The following LRP6 variants were observed in gnomAD, a reference collection of about 807,000 sequenced individuals.
LRP6 encodes the protein LDL receptor related protein 6.
Under a neutral mutation model 184.1 loss-of-function variants are expected in LRP6, and 43 were observed. The observed-to-expected ratio is 0.23, with a 90% confidence interval of 0.18 to 0.30. The LOEUF is 0.30. LRP6 is among the 10% of genes least tolerant of loss of function. LRP6 has a pLI of 1.00. For missense variants in LRP6, 1,571 were observed against 2,005.3 expected (o/e 0.78, Z 4.14); for synonymous variants, 719 against 684.9 (o/e 1.05, Z -0.78).
At chr12:12,156,307 C>A (rs1486164414) in intron 12 of LRP6, among the ~76,000 whole-genome samples, 8 of 152,142 alleles carry the variant, frequency 5.3e-5, no homozygotes, top group Non-Finnish European at 7.3e-5. Flanking sequence ...ACAAGCAGTT[C>A]AACAGTCATG....
Position 12,232,438 on chromosome 12 carries a change from C to G in LRP6, c.449+11824G>C, listed in dbSNP as rs540549242. Among the ~76,000 whole-genome samples the G allele has an allele frequency of 8.0e-5, 12 of 150,310 alleles. No homozygotes were observed. The East Asian group carries it at 2.3e-3, about 29-fold the overall frequency. On this transcript the variant is annotated intron_variant, in intron 2 of 22. Transcript: ENST00000261349. ...CTGGAAACACTTCCAGTGAACTTGG[C>G]AAAAGCAACCCAAAATCTCTCTGGA...
chr12:12,169,923 G>A (rs951071268), intron 7 of LRP6, among the ~76,000 whole-genome samples: 1 of 152,076 alleles, frequency 6.6e-6, no homozygotes, highest in African/African-American at 2.4e-5. Flanking sequence ...CTCATCTGGT[G>A]TAGTTTTTAC....
At chr12:12,265,257 T>A (rs983090486) in intron 1 of LRP6, among the ~76,000 whole-genome samples, 1 of 152,232 alleles carries the variant, frequency 6.6e-6, no homozygotes, top group Admixed American at 6.5e-5. Flanking sequence ...TAACACTTCA[T>A]TAAAATTTCT....
chr12:12,187,323 C>T (rs1166193922), intron 3 of LRP6: 2 of 582,228 alleles, frequency 3.4e-6, no homozygotes, highest in Non-Finnish European at 6.1e-6. Context: ...AAGCCCCAAA[C>T]AAGCATTTGG....
In LRP6 at chr12:12,187,287, T is replaced by G. The variant is rs1863498211; in HGVS notation, c.648-168A>C. ...TATAAAAAATAATTCACATAATGAA[T>G]TCATATATATTTTTAAGGTGTCCAA... On this transcript the variant is annotated intron_variant, in intron 3 of 22. Coordinates refer to ENST00000261349, the MANE Select transcript of LRP6 (RefSeq NM_002336.3). 37 of 645,896 alleles carry G rather than the reference T, an allele frequency of 5.7e-5. No individual in the cohort carries two copies. In the South Asian group the frequency reaches 6.2e-4, roughly 11 times the overall value. The allele number at this position is 645,896 out of a possible 1,614,324, so 40.0% of individuals were successfully genotyped here. A position where few individuals can be genotyped will look rare whatever the true frequency, so the allele number is the denominator to read the frequency against.
intron 7 of LRP6, among the ~76,000 whole-genome samples, chr12:12,173,380 T>C (rs936003143): frequency 6.6e-5 from 10 of 152,214 alleles, no homozygotes; most frequent in African/African-American, 2.4e-4. Flanking sequence ...TCTTGCTCTG[T>C]TGCCCAAGCT....
chr12:12,163,958 C>T (rs1192601240), intron 9 of LRP6, among the ~76,000 whole-genome samples: 2 of 152,024 alleles, frequency 1.3e-5, no homozygotes, highest in African/African-American at 2.4e-5. Flanking sequence ...GGTGAAACCC[C>T]GTCACTACTA....
chr12:12,177,829 T>C (rs1235203603), intron 7 of LRP6, among the ~76,000 whole-genome samples: 1 of 151,962 alleles, frequency 6.6e-6, no homozygotes, highest in Non-Finnish European at 1.5e-5. Context: ...AGGAGAAAGA[T>C]GGATCTAAAA....
At chr12:12,223,937 T>C (rs918548260) in intron 2 of LRP6, among the ~76,000 whole-genome samples, 3 of 152,204 alleles carry the variant, frequency 2.0e-5, no homozygotes, top group Admixed American at 2.0e-4. Flanking sequence ...AGAATTGCAG[T>C]ATCAGAATTG....
intron 7 of LRP6, among the ~76,000 whole-genome samples, chr12:12,178,062 A>G (rs1000086796): frequency 6.6e-6 from 1 of 152,196 alleles, no homozygotes; most frequent in Non-Finnish European, 1.5e-5. Flanking sequence ...AAAACATAAC[A>G]AAGAGGCCAG....
intron 2 of LRP6, among the ~76,000 whole-genome samples, chr12:12,227,378 T>A (rs1411671497): frequency 6.7e-6 from 1 of 150,056 alleles, no homozygotes; most frequent in Admixed American, 6.6e-5. Flanking sequence ...AGAGAAGGAA[T>A]AAGTGAAGGT....
intron 12 of LRP6, among the ~76,000 whole-genome samples, chr12:12,158,213 C>T (rs559107042): frequency 2.0e-5 from 3 of 152,252 alleles, no homozygotes; most frequent in Non-Finnish European, 4.4e-5. Flanking sequence ...TTGTGTTTTG[C>T]GATTCACTGT....
At chr12:12,180,240 C>T (rs371872268) in intron 6 of LRP6, among the ~76,000 whole-genome samples, 34 of 126,056 alleles carry the variant, frequency 2.7e-4, no homozygotes, top group African/African-American at 3.9e-4. Flanking sequence ...AGTTTTACTT[C>T]TTTTTTTTTT....
At chr12:12,247,396 G>A (rs985079605) in intron 1 of LRP6, among the ~76,000 whole-genome samples, 2 of 152,162 alleles carry the variant, frequency 1.3e-5, no homozygotes, top group East Asian at 3.8e-4. Context: ...ACTTCTACGT[G>A]TACTGAATAT....
At chr12:12,207,114 T>C (rs1465497975) in intron 2 of LRP6, among the ~76,000 whole-genome samples, 1 of 152,216 alleles carries the variant, frequency 6.6e-6, no homozygotes, top group Non-Finnish European at 1.5e-5. Context: ...AACATTCTAC[T>C]GTGGGCAAAC....
chr12:12,162,048 A>T (rs1225889035), intron 10 of LRP6, 145 bp downstream of exon 10: 3 of 655,374 alleles, frequency 4.6e-6, no homozygotes, highest in Non-Finnish European at 8.0e-6. Flanking sequence ...AAATATCAAT[A>T]GTGTTTTTAA....
intron 17 of LRP6, among the ~76,000 whole-genome samples, chr12:12,132,970 T>G (rs1405737699): frequency 1.3e-5 from 2 of 152,220 alleles, no homozygotes; most frequent in Non-Finnish European, 2.9e-5. Context: ...AACCTTATGA[T>G]GTGACCATAG....
Position 12,125,337 on chromosome 12 carries a change from A to AATC in LRP6, c.4407_4408insGAT (p.Ser1469_Ser1470insAsp). On this transcript the variant is annotated inframe_insertion, in exon 21 of 23. Transcript: ENST00000261349. ...CCTTTGGTGCTTGAAGAACTACTTGATGATGCTCCTGTAACATGGGCTCGG... is the reference window on the plus strand; with the variant it reads ...CCTTTGGTGCTTGAAGAACTACTTGAATCTGATGCTCCTGTAACATGGGCTCGG... 1 of 1,614,092 alleles carries AATC rather than the reference A, an allele frequency of 6.2e-7. No individual in the cohort carries two copies. Among genetic ancestry groups the AATC allele is most frequent in the Non-Finnish European group, 8.5e-7 (1 of 1,179,984 alleles).
intron 18 of LRP6, among the ~76,000 whole-genome samples, chr12:12,131,096 CAT>C (rs1491305457): frequency 2.8e-5 from 3 of 105,380 alleles, no homozygotes; most frequent in Non-Finnish European, 5.9e-5. Flanking sequence ...AATTTCCTAA[CAT>C]TTTTTTTTTT....
Sources: gnomAD v4.1 joint callset for allele counts (sites outside exome capture counted in the v4.1 genomes callset) on GRCh38, gnomAD v4.1.1 for gene constraint, MANE v1.5 for transcripts, NCBI Gene and HGNC (gene_info 2026-07-23, HGNC 2026-07-21) for gene names.